The following ZNF234 variants were observed in gnomAD, a reference collection of about 807,000 sequenced individuals.
The protein encoded by ZNF234 is C2-H2 type zinc finger protein.
Under a neutral mutation model 10.3 loss-of-function variants are expected in ZNF234, and 4 were observed. The ratio of observed to expected loss-of-function variants is 0.39; its 90% CI spans 0.19 to 0.89. The LOEUF (loss-of-function observed/expected upper bound fraction) is 0.89. Ranked by LOEUF, ZNF234 falls within the 40% of genes least tolerant of loss-of-function variation. The pLI is 0.38. For missense variants in ZNF234, 711 were observed against 836.1 expected (o/e 0.85, Z 1.85); for synonymous variants, 258 against 280.1 (o/e 0.92, Z 0.79).
chr19:44,151,031 T>TA (rs56994246), intron 5 of ZNF234, among the ~76,000 whole-genome samples: 61 of 145,454 alleles, frequency 4.2e-4, no homozygotes, highest in Middle Eastern at 3.6e-3. Flanking sequence ...CACTCCATCT[T>TA]AAAAAAAAAA....
In ZNF234 at chr19:44,157,185, A is replaced by G. The variant is rs753238363; in HGVS notation, c.1169A>G (p.His390Arg). The stretch of plus-strand genomic sequence containing the variant: ...ATTTACAGTTCAAGTTTTCAGGCCC[A>G]TCAGGGAGTCCACACTGGAGAGAAG... The part of the protein sequence containing the change: ...GFIYSSSFQA[H>R]QGVHTGEKPY... Residue 390 changes from histidine (H) to arginine (R), a missense_variant, in exon 6 of 6, where the codon CAT becomes CGT. By Grantham distance (29) the His-to-Arg change is conservative (BLOSUM62 0). Coordinates refer to ENST00000426739, the MANE Select transcript of ZNF234 (RefSeq NM_006630.3). The G allele has an allele frequency of 3.6e-5, 58 of 1,614,120 alleles. No individual in the cohort carries two copies. Among genetic ancestry groups the G allele is most frequent in the Non-Finnish European group, 4.6e-5 (54 of 1,180,048 alleles).
intron 3 of ZNF234, among the ~76,000 whole-genome samples, chr19:44,146,166 C>A (rs144816938): frequency 7.9e-4 from 120 of 152,266 alleles, no homozygotes; most frequent in Non-Finnish European, 1.0e-3. Flanking sequence ...GTGATAACGT[C>A]CACAGGTAGT....
At position 44,157,075 on chromosome 19, in the gene ZNF234, T is replaced by C. The variant is rs1383262572; in HGVS notation, c.1059T>C (p.Phe353=). 6.2e-7 allele frequency: 1 copy of C among 1,614,034 alleles called. No individual in the cohort carries two copies. The highest frequency in any genetic ancestry group is 2.2e-5 in the East Asian group (1 of 44,852). ...PYKCEECGKC[F]IQPSQFQAHR... Reference sequence around the variant, plus strand: ...AGTGTGAAGAATGTGGTAAGTGCTTTATTCAGCCTTCACAATTTCAGGCCC... The same window carrying C: ...AGTGTGAAGAATGTGGTAAGTGCTTCATTCAGCCTTCACAATTTCAGGCCC... The change falls in exon 6 of 6, where the codon TTT becomes TTC. Residue 353 remains phenylalanine (F), a synonymous_variant. Coordinates refer to ENST00000426739, the MANE Select transcript of ZNF234 (RefSeq NM_006630.3).
At position 44,153,165 on chromosome 19, in the gene ZNF234, CATATATAT is replaced by C. The variant is rs10528022; in HGVS notation, c.235+2679_235+2686del. The stretch of plus-strand genomic sequence containing the variant: ...TTGTTAAATCTAATCATGTATTCAT[CATATATAT>C]ATATATATATATATATATGCGCCAA... On this transcript the variant is annotated intron_variant, in intron 5 of 5. Coordinates refer to ENST00000426739, the MANE Select transcript of ZNF234 (RefSeq NM_006630.3). 1.1e-3 allele frequency among the ~76,000 whole-genome samples: 105 copies of C among 97,872 alleles called. 3 individuals are homozygous for C. The highest frequency in any genetic ancestry group is 3.9e-3 in the African/African-American group (90 of 23,034). 64.2% of individuals were successfully genotyped at this position (97,872 alleles called of 152,430 possible).
intron 5 of ZNF234, among the ~76,000 whole-genome samples, chr19:44,155,447 C>A (rs904627363): frequency 1.3e-5 from 2 of 151,882 alleles, no homozygotes; most frequent in Non-Finnish European, 2.9e-5. Context: ...TATATTCTTA[C>A]AATAAAGGAA....
intron 5 of ZNF234, among the ~76,000 whole-genome samples, 199 bp downstream of exon 5, chr19:44,150,704 A>C (rs1187097182): frequency 6.6e-6 from 1 of 152,124 alleles, no homozygotes; most frequent in Non-Finnish European, 1.5e-5. Flanking sequence ...TATCATAGCT[A>C]AAGTGATCCT....
In ZNF234 at chr19:44,156,791, C is replaced by T. The variant is rs748927154; in HGVS notation, c.775C>T (p.Pro259Ser). 2.5e-6 allele frequency: 4 copies of T among 1,609,208 alleles called. No homozygotes were observed. The highest frequency in any genetic ancestry group is 1.7e-4 in the Middle Eastern group (1 of 6,028). Residue 259 changes from proline (P) to serine (S), a missense_variant, in exon 6 of 6, where the codon CCT (proline) becomes TCT (serine). Pro to Ser is a moderately conservative substitution (Grantham distance 74). Transcript: ENST00000426739. ...TTGCAAATTACACTCAGGAGAGAAACCTTACAATTGTGAGGAATGTGGAAG... is the reference window on the plus strand; with the variant it reads ...TTGCAAATTACACTCAGGAGAGAAATCTTACAATTGTGAGGAATGTGGAAG... ...VHCKLHSGEK[P>S]YNCEECGRAF...
rs1968983528 is a variant in ZNF234 at position 44,159,317 on chromosome 19, CG to C, written c.*1201del. ...CTCTCCCTCTGAGTAGCTGGGACCA[CG>C]GGCACGTGCCACCACACCCAGCTAA... is the stretch of plus-strand genomic sequence containing the variant. On this transcript the variant is annotated 3_prime_UTR_variant, in exon 6 of 6. Transcript: ENST00000426739. The C allele has an allele frequency of 5.5e-6, 1 of 183,390 alleles. No homozygotes were observed. The highest frequency in any genetic ancestry group is 1.2e-5 in the Non-Finnish European group (1 of 84,928). The allele number at this position is 183,390 out of a possible 1,614,324, so 11.4% of individuals were successfully genotyped here. A position where few individuals can be genotyped will look rare whatever the true frequency, so the allele number is the denominator to read the frequency against.
At position 44,158,201 on chromosome 19, in the gene ZNF234, A is replaced by G. The variant is rs746802696; in HGVS notation, c.*82A>G. ...TAGGAGGGAAAAATTTTCTTTATCA[A>G]CCTCTTTGAATTTATTTGATTTGTA... On this transcript the variant is annotated 3_prime_UTR_variant, in exon 6 of 6. Transcript: ENST00000426739. 2 of 1,384,546 alleles carry G rather than the reference A, an allele frequency of 1.4e-6. No individual in the cohort carries two copies. Among genetic ancestry groups the G allele is most frequent in the Middle Eastern group, 1.8e-4 (1 of 5,492 alleles). 85.8% of individuals were successfully genotyped at this position (1,384,546 alleles called of 1,614,324 possible).
At chr19:44,152,711 T>G (rs1338718879) in intron 5 of ZNF234, among the ~76,000 whole-genome samples, 1 of 152,150 alleles carries the variant, frequency 6.6e-6, no homozygotes, top group African/African-American at 2.4e-5. Flanking sequence ...AGAAGATAAC[T>G]ATTTCCTAAG....
chr19:44,153,175 T>TATATATATATATATATAC (rs1568552149), intron 5 of ZNF234, among the ~76,000 whole-genome samples: 1 of 143,302 alleles, frequency 7.0e-6, no homozygotes, highest in African/African-American at 2.6e-5. Context: ...CATATATATA[T>TATATATATATATATATAC]ATATATATAT....
At position 44,157,368 on chromosome 19, in the gene ZNF234, G is replaced by C; in HGVS notation, c.1352G>C (p.Ser451Thr). 1.9e-6 allele frequency: 3 copies of C among 1,613,972 alleles called. No homozygotes were observed. The highest frequency in any genetic ancestry group is 2.5e-6 in the Non-Finnish European group (3 of 1,179,894). Reference sequence around the variant, plus strand: ...CTTAAAATCCATCTGAAAGCACATAGTGTACAGAAACCTTTTAAGTGTGAA... The same window carrying C: ...CTTAAAATCCATCTGAAAGCACATACTGTACAGAAACCTTTTAAGTGTGAA... ...SYLKIHLKAH[S>T]VQKPFKCEEC... The change falls in exon 6 of 6, where the codon AGT (serine) becomes ACT (threonine). Residue 451 changes from serine (S) to threonine (T), a missense_variant. Transcript: ENST00000426739.
In ZNF234 at chr19:44,157,732, G is replaced by A. The variant is rs1968939927; in HGVS notation, c.1716G>A (p.Glu572=). ...GAGAAAAGCCATACAAATGTGGGGA[G>A]TGTGGAAAGGGCTTCAAGTGGAGCT... is the stretch of plus-strand genomic sequence containing the variant. ...HTGEKPYKCG[E]CGKGFKWSLN... Residue 572 remains glutamate, a synonymous_variant, in exon 6 of 6, where the codon GAG becomes GAA. Transcript: ENST00000426739. 4 of 1,614,048 alleles carry A rather than the reference G, an allele frequency of 2.5e-6. No homozygotes were observed. The highest frequency in any genetic ancestry group is 3.4e-6 in the Non-Finnish European group (4 of 1,179,968).
rs1258120129 is a variant in ZNF234, at chr19:44,159,454, G to A, written c.*1335G>A. ...GGCCTCCCAGTGTTAAATTACAGGC[G>A]TAAGCCACCACACCCGGCCAAGTTG... On this transcript the variant is annotated 3_prime_UTR_variant, in exon 6 of 6. Transcript: ENST00000426739. The A allele has an allele frequency of 2.8e-5, 8 of 285,914 alleles. No homozygotes were observed. The highest frequency in any genetic ancestry group is 6.8e-5 in the Admixed American group (2 of 29,286). 17.7% of individuals were successfully genotyped at this position (285,914 alleles called of 1,614,324 possible).
intron 5 of ZNF234, among the ~76,000 whole-genome samples, chr19:44,151,480 A>G (rs2122128725): frequency 1.3e-5 from 2 of 152,340 alleles, no homozygotes; most frequent in Admixed American, 1.3e-4. Context: ...TACAGGCATG[A>G]GCCACTGTGC....
rs1481858043 is a variant in ZNF234, at chr19:44,157,155, G to A, written c.1139G>A (p.Gly380Asp). 4.3e-6 allele frequency: 7 copies of A among 1,614,134 alleles called. No homozygotes were observed. The highest frequency in any genetic ancestry group is 5.9e-6 in the Non-Finnish European group (7 of 1,180,014). Reference sequence around the variant, plus strand: ...TACGTATGTAAAGTGTGTGGTAAGGGTTTCATTTACAGTTCAAGTTTTCAG... The same window carrying A: ...TACGTATGTAAAGTGTGTGGTAAGGATTTCATTTACAGTTCAAGTTTTCAG... ...KPYVCKVCGK[G>D]FIYSSSFQAH... Residue 380 changes from glycine to aspartate, a missense_variant, in exon 6 of 6, where the codon GGT becomes GAT. By Grantham distance (94) the Gly-to-Asp change is moderately conservative. Transcript: ENST00000426739.
chr19:44,145,961 A>G (rs1174507197), intron 3 of ZNF234, among the ~76,000 whole-genome samples: 1 of 152,238 alleles, frequency 6.6e-6, no homozygotes, highest in African/African-American at 2.4e-5. Flanking sequence ...ATTTATTCAG[A>G]ACAGCAGAAT....
intron 2 of ZNF234, among the ~76,000 whole-genome samples, chr19:44,144,007 A>G (rs759773791): frequency 8.5e-5 from 13 of 152,232 alleles, no homozygotes; most frequent in Non-Finnish European, 1.5e-4. Flanking sequence ...TTTTTTTCCA[A>G]CTTTATTGAG....
rs1968705966 is a variant in ZNF234, at chr19:44,150,267, A to G, written c.143-146A>G. ...TATGTGTCTGGATCTTGAAATACTG[A>G]TATTTCTTCATTAGGTTCTTCTAAA... On this transcript the variant is annotated intron_variant, in intron 4 of 5. Transcript: ENST00000426739. The G allele has an allele frequency of 3.0e-5, 16 of 533,780 alleles. No individual in the cohort carries two copies. In the East Asian group the frequency reaches 4.7e-4, roughly 16 times the overall value. 33.1% of individuals were successfully genotyped at this position (533,780 alleles called of 1,614,324 possible).
Sources: gnomAD v4.1 joint callset for allele counts (sites outside exome capture counted in the v4.1 genomes callset) on GRCh38, gnomAD v4.1.1 for gene constraint, MANE v1.5 for transcripts, NCBI Gene and HGNC (gene_info 2026-07-23, HGNC 2026-07-21) for gene names.